CACNB2: variants seen among roughly 807,000 people sequenced by gnomAD.
CACNB2 encodes calcium voltage-gated channel auxiliary subunit beta 2.
A neutral mutation model predicts 73.3 loss-of-function variants in CACNB2; 42 were observed. The observed-to-expected ratio is 0.57, with a 90% CI of 0.45 to 0.74. The LOEUF (loss-of-function observed/expected upper bound fraction) is 0.74, where lower values mean the gene tolerates loss of function less well. Among genes scored for constraint, CACNB2 ranks in the 30% least tolerant of loss-of-function variants. The pLI, the probability that CACNB2 is intolerant of heterozygous loss-of-function variation, is 0.00. For synonymous variants in CACNB2, 348 were observed against 310.3 expected (o/e 1.12, Z -1.28); for missense variants, 940 against 853.0 (o/e 1.10, Z -1.27).
At chr10:18,349,721 T>A (rs548246766) in intron 2 of CACNB2, among the ~76,000 whole-genome samples, 356 of 116,580 alleles carry the variant, frequency 3.1e-3, no homozygotes, top group African/African-American at 0.011. Context: ...CAGTTGGAGA[T>A]GATTTAAAAA....
At chr10:18,220,208 T>TATATATAG (rs1244543026) in intron 2 of CACNB2, among the ~76,000 whole-genome samples, 1 of 31,270 alleles carries the variant, frequency 3.2e-5, no homozygotes, top group African/African-American at 3.3e-4. Flanking sequence ...TGTGTATATA[T>TATATATAG]ATATATATAT....
chr10:18,341,107 C>A, intron 2 of CACNB2: 2 of 951,442 alleles, frequency 2.1e-6, no homozygotes. Context: ...TCTTATCTTG[C>A]CAGAAATGTT....
chr10:18,441,673 C>T (rs551178570), intron 3 of CACNB2, among the ~76,000 whole-genome samples: 15 of 152,224 alleles, frequency 9.9e-5, no homozygotes, highest in Non-Finnish European at 1.5e-4. Flanking sequence ...GTCTCACTGT[C>T]GCCCAGGCTG....
intron 2 of CACNB2, among the ~76,000 whole-genome samples, chr10:18,302,740 A>AG (rs1384553278): frequency 6.6e-6 from 1 of 152,178 alleles, no homozygotes; most frequent in Non-Finnish European, 1.5e-5. Context: ...AAAGACTACA[A>AG]GTTGGGTTCA....
chr10:18,469,391 C>T (rs1437173115), intron 3 of CACNB2, among the ~76,000 whole-genome samples: 3 of 152,170 alleles, frequency 2.0e-5, no homozygotes, highest in Non-Finnish European at 4.4e-5. Flanking sequence ...TCCTTTATTT[C>T]GTTGCTAATA....
chr10:18,482,144 C>A (rs1393314006), intron 3 of CACNB2, among the ~76,000 whole-genome samples: 4 of 152,106 alleles, frequency 2.6e-5, no homozygotes, highest in Non-Finnish European at 5.9e-5. Context: ...TCCATCTCGG[C>A]TTTCCAAACT....
chr10:18,429,531 A>G, intron 3 of CACNB2, among the ~76,000 whole-genome samples: 1 of 152,136 alleles, frequency 6.6e-6, no homozygotes, highest in Admixed American at 6.5e-5. Flanking sequence ...ATGTTTGTTC[A>G]AAATGTCAAG....
chr10:18,521,953 G>A (rs2051934205), intron 9 of CACNB2, among the ~76,000 whole-genome samples: 1 of 152,194 alleles, frequency 6.6e-6, no homozygotes, highest in South Asian at 2.1e-4. Context: ...CCACACAGCA[G>A]ACGGTGAGTG....
intron 2 of CACNB2, among the ~76,000 whole-genome samples, chr10:18,194,463 G>T (rs1339065537): frequency 6.6e-6 from 1 of 152,126 alleles, no homozygotes; most frequent in Non-Finnish European, 1.5e-5. Flanking sequence ...GAAGATTCTG[G>T]ACATCTTTAT....
intron 2 of CACNB2, among the ~76,000 whole-genome samples, chr10:18,203,929 G>A (rs912995321): frequency 1.1e-4 from 17 of 152,164 alleles, no homozygotes; most frequent in Admixed American, 9.8e-4. Flanking sequence ...GTGCATAGAA[G>A]TTTCAGTAGG....
intron 2 of CACNB2, among the ~76,000 whole-genome samples, chr10:18,393,059 A>C (rs1294488881): frequency 2.0e-5 from 3 of 152,136 alleles, no homozygotes; most frequent in African/African-American, 7.2e-5. Context: ...AAATACAAAA[A>C]TTAGCTGGGC....
At chr10:18,398,578 G>A (rs1340929551) in intron 2 of CACNB2, among the ~76,000 whole-genome samples, 10 of 151,990 alleles carry the variant, frequency 6.6e-5, no homozygotes, top group East Asian at 1.9e-4. Context: ...GGCTGAAGCC[G>A]GAGGATCACT....
intron 2 of CACNB2, among the ~76,000 whole-genome samples, chr10:18,153,265 G>A (rs1008613814): frequency 2.0e-5 from 3 of 152,108 alleles, no homozygotes; most frequent in Admixed American, 2.0e-4. Flanking sequence ...CGAGGTGTTT[G>A]CTATGGCATG....
intron 5 of CACNB2, among the ~76,000 whole-genome samples, chr10:18,503,460 G>C (rs538262423): frequency 6.6e-6 from 1 of 152,132 alleles, no homozygotes; most frequent in Non-Finnish European, 1.5e-5. Flanking sequence ...GCTGGGTGTG[G>C]TGGTGCACAC....
chr10:18,284,815 G>C (rs1435330244), intron 2 of CACNB2, among the ~76,000 whole-genome samples: 1 of 152,126 alleles, frequency 6.6e-6, no homozygotes, highest in Non-Finnish European at 1.5e-5. Flanking sequence ...AAAATATATA[G>C]AATGCATTTC....
intron 2 of CACNB2, among the ~76,000 whole-genome samples, chr10:18,158,473 A>T (rs1018868631): frequency 6.6e-6 from 1 of 152,186 alleles, no homozygotes; most frequent in African/African-American, 2.4e-5. Context: ...TATTGCAGCT[A>T]TTGAGGTTGT....
chr10:18,397,059 A>AGAG (rs2043747633), intron 2 of CACNB2, among the ~76,000 whole-genome samples: 1 of 152,252 alleles, frequency 6.6e-6, no homozygotes, highest in Admixed American at 6.5e-5. Flanking sequence ...TTTGGGCTTT[A>AGAG]AAAGAGAAAA....
chr10:18,300,694 C>G (rs1484730189), intron 2 of CACNB2, among the ~76,000 whole-genome samples: 1 of 152,010 alleles, frequency 6.6e-6, no homozygotes, highest in African/African-American at 2.4e-5. Context: ...ACTAAAAATA[C>G]AAAAATTAGC....
intron 2 of CACNB2, among the ~76,000 whole-genome samples, chr10:18,393,396 C>G (rs1255269867): frequency 1.3e-5 from 2 of 152,124 alleles, no homozygotes; most frequent in Non-Finnish European, 2.9e-5. Context: ...TTCCTTTGGA[C>G]AATGTCAAAT....
Sources: allele counts gnomAD v4.1 joint callset (sites outside exome capture counted in the v4.1 genomes callset), GRCh38; gene constraint gnomAD v4.1.1; transcripts MANE v1.5; gene names NCBI Gene and HGNC (gene_info 2026-07-23, HGNC 2026-07-21).